The following SMCHD1 variants were observed in gnomAD, a reference collection of about 807,000 sequenced individuals.
SMCHD1 encodes the protein structural maintenance of chromosomes flexible hinge domain containing 1.
Under a neutral mutation model 254.7 loss-of-function variants are expected in SMCHD1, and 78 were observed. The observed-to-expected ratio is 0.31, with a 90% CI of 0.26 to 0.37. The LOEUF is 0.37. Among genes scored for constraint, SMCHD1 ranks in the 10% least tolerant of loss-of-function variants. The pLI, the probability that SMCHD1 is intolerant of heterozygous loss-of-function variation, is 1.00. For synonymous variants in SMCHD1, 766 were observed against 794.9 expected (o/e 0.96, Z 0.61); for missense variants, 1,840 against 2,408.1 (o/e 0.76, Z 4.94).
At chr18:2,756,393 C>T (rs965414195) in intron 34 of SMCHD1, among the ~76,000 whole-genome samples, 1 of 152,158 alleles carries the variant, frequency 6.6e-6, no homozygotes, top group Admixed American at 6.5e-5. Flanking sequence ...GAAATTTTCC[C>T]TCAGTCTTGG....
At chr18:2,762,693 G>A (rs894287012) in intron 36 of SMCHD1, among the ~76,000 whole-genome samples, 1 of 151,928 alleles carries the variant, frequency 6.6e-6, no homozygotes, top group Non-Finnish European at 1.5e-5. Context: ...TTGCTGTGTT[G>A]CCCAGGCTGG....
At position 2,784,848 on chromosome 18, in the gene SMCHD1, A is replaced by G. The variant is rs143566651; in HGVS notation, c.5719+227A>G. ...GTATTTTCATTCTTATATGTAGTGC[A>G]TGCCTGTGTTCCCAGCTACTCAGGA... On this transcript the variant is annotated intron_variant, in intron 45 of 47. Transcript: ENST00000320876. 204 of 544,948 alleles carry G rather than the reference A, an allele frequency of 3.7e-4. 1 individual carries two copies. The highest frequency in any genetic ancestry group is 3.4e-3 in the African/African-American group (180 of 53,218). The allele number at this position is 544,948 out of a possible 1,614,324, so 33.8% of individuals were successfully genotyped here. A position where few individuals can be genotyped will look rare whatever the true frequency, so the allele number is the denominator to read the frequency against.
intron 45 of SMCHD1, among the ~76,000 whole-genome samples, chr18:2,790,719 C>T (rs558863425): frequency 6.6e-6 from 1 of 152,304 alleles, no homozygotes; most frequent in Admixed American, 6.5e-5. Flanking sequence ...CAAGATTGCA[C>T]CACTGCACTG....
intron 5 of SMCHD1, among the ~76,000 whole-genome samples, chr18:2,685,299 C>T: frequency 6.6e-6 from 1 of 151,806 alleles, no homozygotes; most frequent in Admixed American, 6.6e-5. Context: ...TGGGGTTTCT[C>T]CGTGTTAGCC....
chr18:2,662,892 A>C (rs561218571), intron 1 of SMCHD1, among the ~76,000 whole-genome samples: 2 of 152,172 alleles, frequency 1.3e-5, no homozygotes, highest in Non-Finnish European at 2.9e-5. Flanking sequence ...TTACTAAAGT[A>C]TGCCAAATTA....
intron 14 of SMCHD1, among the ~76,000 whole-genome samples, chr18:2,706,154 T>G (rs527254077): frequency 2.2e-4 from 33 of 152,298 alleles, no homozygotes; most frequent in African/African-American, 7.5e-4. Context: ...TATACCATGC[T>G]TTCTTGTTAA....
chr18:2,719,746 G>A (rs2074884634), intron 19 of SMCHD1, among the ~76,000 whole-genome samples: 1 of 151,366 alleles, frequency 6.6e-6, no homozygotes, highest in African/African-American at 2.4e-5. Context: ...TGTGATCTCG[G>A]CTCACTGCAA....
intron 7 of SMCHD1, among the ~76,000 whole-genome samples, chr18:2,689,555 A>G (rs1039957839): frequency 6.6e-6 from 1 of 151,564 alleles, no homozygotes; most frequent in Admixed American, 6.6e-5. Context: ...TCTTTAATAT[A>G]TAAGTTAGTT....
chr18:2,704,627 T>C (rs650378), intron 13 of SMCHD1, among the ~76,000 whole-genome samples: 1 of 150,752 alleles, frequency 6.6e-6, no homozygotes, highest in African/African-American at 2.4e-5. Context: ...TTTTTTACTT[T>C]GGTTGGTCGT....
chr18:2,685,094 A>ATTTTTTTTTTTTTTTT lies in SMCHD1; in HGVS notation c.639-3293_639-3292insTTTTTTTTTTTTTTTT, dbSNP rs372694951. 6.1e-5 allele frequency among the ~76,000 whole-genome samples: 5 copies of ATTTTTTTTTTTTTTTT among 81,878 alleles called. 1 individual carries two copies. Among genetic ancestry groups the ATTTTTTTTTTTTTTTT allele is most frequent in the Admixed American group, 1.9e-4 (1 of 5,186 alleles). 53.7% of individuals were successfully genotyped at this position (81,878 alleles called of 152,430 possible). ...AGCACACTGTTCTGTTCTGTCCCTT[A>ATTTTTTTTTTTTTTTT]TTTTTTTCTTTTTTTTTTTTTTTTG... On this transcript the variant is annotated intron_variant, in intron 5 of 47. Transcript: ENST00000320876.
In SMCHD1 at chr18:2,781,795, T is replaced by C. The variant is rs564644256; in HGVS notation, c.5548-2655T>C. Among the ~76,000 whole-genome samples, 232 of 152,128 alleles carry C rather than the reference T, an allele frequency of 1.5e-3. 1 individual carries two copies. Among genetic ancestry groups the C allele is most frequent in the Non-Finnish European group, 2.9e-3 (198 of 67,982 alleles). On this transcript the variant is annotated intron_variant, in intron 44 of 47. Coordinates refer to ENST00000320876, the MANE Select transcript of SMCHD1 (RefSeq NM_015295.3). Reference sequence around the variant, plus strand: ...TTAAAAAGAGGGTCAGAAAAAAATATTCAGACTGCAACCCAGAGAGAAAGA... The same window carrying C: ...TTAAAAAGAGGGTCAGAAAAAAATACTCAGACTGCAACCCAGAGAGAAAGA...
chr18:2,688,649 TC>T lies in SMCHD1; in HGVS notation c.778del (p.Gln260LysfsTer52). Reference protein sequence around the residue: ...SARMISKPADSQDVHELVLSK... With the variant: ...SARMISKPADXQDVHELVLSK... ...ACAGATGATAAGCAAACCTGCAGAT[TC>T]CCAAGATGTTCACGAGCTTGTGCTT... On this transcript the variant is annotated frameshift_variant, in exon 7 of 48. Transcript: ENST00000320876. LOFTEE classifies it high-confidence loss of function. 6.4e-7 allele frequency: 1 copy of T among 1,560,426 alleles called. No homozygotes were observed. Among genetic ancestry groups the T allele is most frequent in the Admixed American group, 2.0e-5 (1 of 50,384 alleles).
At chr18:2,781,317 A>G (rs1485383448) in intron 44 of SMCHD1, among the ~76,000 whole-genome samples, 5 of 152,244 alleles carry the variant, frequency 3.3e-5, no homozygotes, top group East Asian at 3.8e-4. Context: ...GAATTCATCA[A>G]CATAACAATT....
chr18:2,683,828 G>A (rs1326824146), intron 5 of SMCHD1, among the ~76,000 whole-genome samples: 2 of 151,996 alleles, frequency 1.3e-5, no homozygotes, highest in African/African-American at 4.8e-5. Flanking sequence ...TTTTCTGTTA[G>A]TGTAGCCATC....
chr18:2,679,480 CAAAAA>C (rs59034633), intron 5 of SMCHD1, among the ~76,000 whole-genome samples: 1,170 of 58,828 alleles, frequency 0.02, 84 homozygotes, highest in Admixed American at 0.19. Flanking sequence ...ACTCCATCTC[CAAAAA>C]AAAAAAAAAA....
intron 45 of SMCHD1, among the ~76,000 whole-genome samples, chr18:2,787,778 G>A (rs2155528): frequency 0.2 from 29,762 of 152,138 alleles, 3,140 homozygotes; most frequent in Admixed American, 0.26. Context: ...AAAGGAGACC[G>A]TTTAAGGTTA....
chr18:2,703,619 T>A, intron 12 of SMCHD1, 73 bp from the exon 13 acceptor site: 1 of 1,269,862 alleles, frequency 7.9e-7, no homozygotes, highest in Non-Finnish European at 1.1e-6. Context: ...AAAAATAAAA[T>A]GAATGACAAA....
chr18:2,703,826 T>C lies in SMCHD1; in HGVS notation c.1782T>C (p.Gly594=). The change falls in exon 13 of 48, where the codon GGT becomes GGC. Residue 594 remains glycine, a synonymous_variant. Transcript: ENST00000320876. ...CTGATCTTCCTTCTAAAAAGCAAGGTCCCTGGGCAACATATGCAGCAATAG... is the reference window on the plus strand; with the variant it reads ...CTGATCTTCCTTCTAAAAAGCAAGGCCCCTGGGCAACATATGCAGCAATAG... ...TRPDLPSKKQ[G]PWATYAAIEW... is the part of the protein sequence containing the mutation. The C allele has an allele frequency of 6.2e-7, 1 of 1,612,932 alleles. No individual in the cohort carries two copies. The highest frequency in any genetic ancestry group is 1.1e-5 in the South Asian group (1 of 91,008).
chr18:2,723,124 A>G (rs1367196527), intron 20 of SMCHD1, among the ~76,000 whole-genome samples: 3 of 152,058 alleles, frequency 2.0e-5, no homozygotes, highest in African/African-American at 4.8e-5. Context: ...CGACCTTATG[A>G]TTACTACCTT....
Sources: allele counts gnomAD v4.1 joint callset (sites outside exome capture counted in the v4.1 genomes callset), GRCh38; gene constraint gnomAD v4.1.1; transcripts MANE v1.5; gene names NCBI Gene and HGNC (gene_info 2026-07-23, HGNC 2026-07-21).